The following NCAPD2 variants were observed in gnomAD, a reference collection of about 807,000 sequenced individuals.
The protein encoded by NCAPD2 is condensin complex subunit 1.
NCAPD2 carries 100 observed loss-of-function variants against 164.5 expected under a neutral mutation model. The observed-to-expected ratio is 0.61, with a 90% confidence interval of 0.52 to 0.72. The LOEUF (loss-of-function observed/expected upper bound fraction) is 0.72. Among genes scored for constraint, NCAPD2 ranks in the 30% least tolerant of loss-of-function variants. The probability of loss-of-function intolerance (pLI) is 0.00; values close to 1 mark genes in which losing one functional copy is unlikely to be tolerated. For synonymous variants in NCAPD2, 585 were observed against 642.6 expected (o/e 0.91, Z 1.36); for missense variants, 1,560 against 1,749.2 (o/e 0.89, Z 1.93).
rs1191519619 is a variant in NCAPD2 at position 6,496,922 on chromosome 12, A to G, written c.127+1697A>G. Reference sequence around the variant, plus strand: ...CTACACAGGGTCAAGGTCACCAAGAAGTCACTAGACGATGGGAATTTTTCA... The same window carrying G: ...CTACACAGGGTCAAGGTCACCAAGAGGTCACTAGACGATGGGAATTTTTCA... On this transcript the variant is annotated intron_variant, in intron 2 of 31. Coordinates refer to ENST00000315579, the MANE Select transcript of NCAPD2 (RefSeq NM_014865.4). Among the ~76,000 whole-genome samples, 3 of 152,256 alleles carry G rather than the reference A, an allele frequency of 2.0e-5. No homozygotes were observed. In the East Asian group the frequency reaches 5.8e-4, roughly 29 times the overall value.
In NCAPD2 at chr12:6,504,216, T is replaced by TATATAC. The variant is rs1406807438; in HGVS notation, c.128-5500_128-5499insTATACA. On this transcript the variant is annotated intron_variant, in intron 2 of 31. Transcript: ENST00000315579. The stretch of plus-strand genomic sequence containing the variant: ...ATATATATATATATATATATATATA[T>TATATAC]AGATATAGATATATATATATATATA... Among the ~76,000 whole-genome samples the TATATAC allele has an allele frequency of 5.2e-4, 12 of 23,240 alleles. No individual in the cohort carries two copies. In the East Asian group the frequency reaches 0.01, roughly 20 times the overall value. 15.2% of individuals were successfully genotyped at this position (23,240 alleles called of 152,430 possible).
intron 2 of NCAPD2, among the ~76,000 whole-genome samples, chr12:6,502,474 G>A (rs574276202): frequency 1.3e-5 from 2 of 152,270 alleles, no homozygotes; most frequent in South Asian, 4.1e-4. Flanking sequence ...TTTAACGTAA[G>A]ACTAGTCAGC....
intron 17 of NCAPD2, among the ~76,000 whole-genome samples, chr12:6,524,247 A>G (rs998516135): frequency 2.0e-5 from 3 of 152,152 alleles, no homozygotes; most frequent in African/African-American, 7.2e-5. Flanking sequence ...GATGAGTAGG[A>G]TTTAGAGAAT....
At position 6,529,520 on chromosome 12, in the gene NCAPD2, C is replaced by T. The variant is rs1946351688; in HGVS notation, c.3580C>T (p.Leu1194Phe). 1.9e-5 allele frequency: 30 copies of T among 1,614,048 alleles called. No homozygotes were observed. Among genetic ancestry groups the T allele is most frequent in the Non-Finnish European group, 2.5e-5 (29 of 1,179,940 alleles). Residue 1194 changes from leucine to phenylalanine, a missense_variant, in exon 28 of 32, where the codon CTC (leucine) becomes TTC (phenylalanine). Physicochemically the swap from Leu to Phe is conservative, Grantham distance 22. Coordinates refer to ENST00000315579, the MANE Select transcript of NCAPD2 (RefSeq NM_014865.4). Reference protein sequence around the residue: ...EPFHTIMKQLLSYITKDKQTE... With the variant: ...EPFHTIMKQLFSYITKDKQTE... ...CATCTCCCCTTCCTGCAGACAGCTCCTCTCCTACATCACCAAGGACAAGCA... is the reference window on the plus strand; with the variant it reads ...CATCTCCCCTTCCTGCAGACAGCTCTTCTCCTACATCACCAAGGACAAGCA...
chr12:6,518,505 T>TTTTTTG (rs1946228187), intron 13 of NCAPD2, among the ~76,000 whole-genome samples: 1 of 62,208 alleles, frequency 1.6e-5, no homozygotes, highest in African/African-American at 8.4e-5. Flanking sequence ...CGTCAACAAG[T>TTTTTTG]TTTTTTTTTT....
chr12:6,517,634 G>A lies in NCAPD2; in HGVS notation c.1359G>A (p.Glu453=), dbSNP rs200847598. The part of the protein sequence containing the change: ...DADLAGPLQK[E]TQKLQEMRAQ... ...ACCTTGCCGGACCACTGCAGAAGGA[G>A]ACCCAGAAATTACAAGAGATGAGGG... Residue 453 remains glutamate, a synonymous_variant, in exon 12 of 32, where the codon GAG becomes GAA. Transcript: ENST00000315579. The A allele has an allele frequency of 2.5e-5, 41 of 1,614,204 alleles. No individual in the cohort carries two copies. Among genetic ancestry groups the A allele is most frequent in the Non-Finnish European group, 3.3e-5 (39 of 1,180,038 alleles).
At chr12:6,501,589 G>T (rs374679839) in intron 2 of NCAPD2, among the ~76,000 whole-genome samples, 17 of 152,174 alleles carry the variant, frequency 1.1e-4, no homozygotes, top group African/African-American at 4.1e-4. Flanking sequence ...GGTTATGTGA[G>T]TGCAGAGTTC....
intron 6 of NCAPD2, among the ~76,000 whole-genome samples, chr12:6,512,948 T>G (rs909730065): frequency 6.6e-6 from 1 of 152,176 alleles, no homozygotes; most frequent in South Asian, 2.1e-4. Context: ...TCTGAGCATT[T>G]GGAAGACTGG....
chr12:6,503,642 G>A (rs1444404936), intron 2 of NCAPD2, among the ~76,000 whole-genome samples: 2 of 152,114 alleles, frequency 1.3e-5, no homozygotes, highest in African/African-American at 2.4e-5. Flanking sequence ...GTGGTGACGC[G>A]TGCCTGTAAT....
rs201537317 is a variant in NCAPD2, at chr12:6,514,329, C to G, written c.652C>G (p.Pro218Ala). 210 of 1,614,188 alleles carry G rather than the reference C, an allele frequency of 1.3e-4. 1 individual carries two copies. In the East Asian group the frequency reaches 4.6e-3, roughly 35 times the overall value. ...CACCATTAATCACCAGAAGAACCGC[C>G]CCACTCGGGAAGCCATAACACACCT... The part of the protein sequence containing the change: ...NPTINHQKNR[P>A]TREAITHLLG... Residue 218 changes from proline to alanine, a missense_variant, in exon 7 of 32, where the codon CCC becomes GCC. Coordinates refer to ENST00000315579, the MANE Select transcript of NCAPD2 (RefSeq NM_014865.4).
intron 9 of NCAPD2, 52 bp downstream of exon 9, chr12:6,514,972 G>C (rs1456265498): frequency 1.3e-6 from 2 of 1,595,688 alleles, no homozygotes; most frequent in Non-Finnish European, 1.7e-6. Flanking sequence ...TTTAAGTCCA[G>C]TGTTGAAAGG....
chr12:6,517,986 G>T, intron 13 of NCAPD2, 27 bp downstream of exon 13: 1 of 1,604,992 alleles, frequency 6.2e-7, no homozygotes, highest in Non-Finnish European at 8.5e-7. Context: ...GATATTCTTC[G>T]TGATCTGTTT....
rs1491333213 is a variant in NCAPD2, at chr12:6,509,073, A to AT, written c.128-644_128-643insT. On this transcript the variant is annotated intron_variant, in intron 2 of 31. Coordinates refer to ENST00000315579, the MANE Select transcript of NCAPD2 (RefSeq NM_014865.4). ...CAGAAAAAGGACACAAATAGGATAA[A>AT]CTTTTTTTTTTTTTTTAAAAGATCC... 8.5e-5 allele frequency among the ~76,000 whole-genome samples: 12 copies of AT among 141,002 alleles called. No individual in the cohort carries two copies. In the South Asian group the frequency reaches 9.5e-4, roughly 11 times the overall value. The allele number at this position is 141,002 out of a possible 152,430, so 92.5% of individuals were successfully genotyped here.
At chr12:6,510,494 T>G (rs768129119) in intron 4 of NCAPD2, 135 bp from the exon 5 acceptor site, 3 of 1,043,026 alleles carry the variant, frequency 2.9e-6, no homozygotes, top group Admixed American at 3.4e-5. Context: ...CCTAAAGGAC[T>G]TAGCTTGTGT....
Position 6,531,600 on chromosome 12 carries a change from G to A in NCAPD2, c.*188G>A. ...GCGGGTGGATAACCTGAGGTAGGGAGTTCGAGACCAGCCTGACCAACATGG... is the reference window on the plus strand; with the variant it reads ...GCGGGTGGATAACCTGAGGTAGGGAATTCGAGACCAGCCTGACCAACATGG... On this transcript the variant is annotated 3_prime_UTR_variant, in exon 32 of 32. Coordinates refer to ENST00000315579, the MANE Select transcript of NCAPD2 (RefSeq NM_014865.4). This position sits in a 1 kb window ranked among gnomAD's most constrained non-coding sequence, Gnocchi z 4.1. The A allele has an allele frequency of 1.7e-6, 2 of 1,193,340 alleles. No homozygotes were observed. Among genetic ancestry groups the A allele is most frequent in the South Asian group, 2.7e-5 (2 of 75,182 alleles). 73.9% of individuals were successfully genotyped at this position (1,193,340 alleles called of 1,614,324 possible).
At chr12:6,526,672 C>T in intron 21 of NCAPD2, 57 bp downstream of exon 21, 1 of 1,573,666 alleles carries the variant, frequency 6.4e-7, no homozygotes, top group South Asian at 1.1e-5. Context: ...CCCTGCAGGG[C>T]CAGGAGCCAC....
In NCAPD2 at chr12:6,503,770, A is replaced by AT. The variant is rs66934244; in HGVS notation, c.128-5931dup. Among the ~76,000 whole-genome samples, 156 of 139,060 alleles carry AT rather than the reference A, an allele frequency of 1.1e-3. 1 individual carries two copies. In the East Asian group the frequency reaches 0.024, roughly 22 times the overall value. 91.2% of individuals were successfully genotyped at this position (139,060 alleles called of 152,430 possible). ...TGGGTGACAGAGCGAGACTCCATCTATTTTTTTTTTTTTTTTAAAAAAGAT... is the reference window on the plus strand; with the variant it reads ...TGGGTGACAGAGCGAGACTCCATCTATTTTTTTTTTTTTTTTTAAAAAAGAT... On this transcript the variant is annotated intron_variant, in intron 2 of 31. Coordinates refer to ENST00000315579, the MANE Select transcript of NCAPD2 (RefSeq NM_014865.4).
chr12:6,497,567 T>TAG (rs1435852321), intron 2 of NCAPD2, among the ~76,000 whole-genome samples: 4 of 152,198 alleles, frequency 2.6e-5, no homozygotes, highest in Admixed American at 1.3e-4. Flanking sequence ...TTTCTGTTCT[T>TAG]GCATTAGTTT....
intron 17 of NCAPD2, among the ~76,000 whole-genome samples, chr12:6,524,159 G>A (rs544444100): frequency 6.6e-6 from 1 of 152,194 alleles, no homozygotes; most frequent in South Asian, 2.1e-4. Flanking sequence ...GGGATACAGA[G>A]TAGGAAAGAG....
Sources: gnomAD v4.1 joint callset for allele counts (sites outside exome capture counted in the v4.1 genomes callset) on GRCh38, gnomAD v4.1.1 for gene constraint, Gnocchi (gnomAD v3.1) non-coding constraint, MANE v1.5 for transcripts, NCBI Gene and HGNC (gene_info 2026-07-23, HGNC 2026-07-21) for gene names.